The following SULF2 variants were observed in gnomAD, a reference collection of about 807,000 sequenced individuals.
The protein encoded by SULF2 is sulfatase 2.
In SULF2, 52 loss-of-function variants were observed where a neutral mutation model predicts 107.7. That is an observed-to-expected ratio of 0.48 (90% CI 0.39 to 0.61). The LOEUF (loss-of-function observed/expected upper bound fraction) is 0.61. Ranked by LOEUF, SULF2 falls within the 20% of genes least tolerant of loss-of-function variation. SULF2 has a pLI of 0.00. For missense variants in SULF2, 993 were observed against 1,177.3 expected, an observed-to-expected ratio of 0.84 and a Z score of 2.29; for synonymous variants, 460 against 464.3, an observed-to-expected ratio of 0.99 and a Z score of 0.12.
At chr20:47,714,658 C>T (rs1002023424) in intron 3 of SULF2, among the ~76,000 whole-genome samples, 1 of 152,212 alleles carries the variant, frequency 6.6e-6, no homozygotes, top group Admixed American at 6.5e-5. Flanking sequence ...AGTGGCTCCA[C>T]ATCCACCTCA....
chr20:47,769,197 C>T lies in SULF2; in HGVS notation c.-100-11734G>A, dbSNP rs1419875433. 5.3e-5 allele frequency among the ~76,000 whole-genome samples: 8 copies of T among 152,196 alleles called. No homozygotes were observed. In the South Asian group the frequency reaches 8.3e-4, roughly 16 times the overall value. ...CTGGAACTACAGGTGCCCACCACCACGCCCGCTAATTTTTTTGTATTTTTA... is the reference window on the plus strand; with the variant it reads ...CTGGAACTACAGGTGCCCACCACCATGCCCGCTAATTTTTTTGTATTTTTA... On this transcript the variant is annotated intron_variant, in intron 1 of 20. Transcript: ENST00000688720.
intron 3 of SULF2, among the ~76,000 whole-genome samples, chr20:47,707,381 C>T (rs948873840): frequency 6.6e-6 from 1 of 152,202 alleles, no homozygotes; most frequent in African/African-American, 2.4e-5. Flanking sequence ...ATCTCCCCTA[C>T]ACCAGACACT....
chr20:47,729,833 T>C (rs977416979), intron 3 of SULF2, among the ~76,000 whole-genome samples: 1 of 152,018 alleles, frequency 6.6e-6, no homozygotes, highest in Non-Finnish European at 1.5e-5. Flanking sequence ...AGAGGGGCAT[T>C]GGGCCACTTT....
chr20:47,700,923 G>A (rs576040461), intron 4 of SULF2, among the ~76,000 whole-genome samples: 1 of 152,310 alleles, frequency 6.6e-6, no homozygotes, highest in Admixed American at 6.5e-5. Context: ...TGGGATTACA[G>A]GTGTGAGCCA....
chr20:47,716,320 T>C (rs977852061), intron 3 of SULF2, among the ~76,000 whole-genome samples: 2 of 152,122 alleles, frequency 1.3e-5, no homozygotes, highest in Non-Finnish European at 2.9e-5. Flanking sequence ...GCCTGGCCAA[T>C]GTGGTGAAAC....
intron 3 of SULF2, among the ~76,000 whole-genome samples, chr20:47,727,729 G>T (rs974140988): frequency 6.6e-6 from 1 of 152,216 alleles, no homozygotes. Context: ...GGCACTGGGT[G>T]ACTAGTGCTT....
chr20:47,677,178 TC>T (rs781303017), intron 8 of SULF2, 44 bp from the exon 9 acceptor site: 2 of 1,608,874 alleles, frequency 1.2e-6, no homozygotes, highest in Middle Eastern at 1.7e-4. Context: ...CATGAGGGCT[TC>T]CCACGACCCC....
intron 11 of SULF2, among the ~76,000 whole-genome samples, chr20:47,667,142 A>C (rs1001090954): frequency 2.6e-5 from 4 of 152,220 alleles, no homozygotes; most frequent in African/African-American, 9.6e-5. Context: ...TCTGAACTTC[A>C]CCTCAATTAA....
chr20:47,739,493 C>T (rs919960051), intron 2 of SULF2, among the ~76,000 whole-genome samples: 1 of 152,230 alleles, frequency 6.6e-6, no homozygotes, highest in Non-Finnish European at 1.5e-5. Context: ...TGCTCTCACT[C>T]CTCCAATCAC....
chr20:47,747,684 G>GC (rs2090073958), intron 2 of SULF2, among the ~76,000 whole-genome samples: 1 of 152,138 alleles, frequency 6.6e-6, no homozygotes, highest in South Asian at 2.1e-4. Flanking sequence ...CCAGCCACAG[G>GC]CCTGGTGGGT....
chr20:47,720,720 G>C (rs552780531), intron 3 of SULF2, among the ~76,000 whole-genome samples: 11 of 152,250 alleles, frequency 7.2e-5, no homozygotes, highest in Admixed American at 7.2e-4. Context: ...TCACAAAATA[G>C]AAACTGAGCT....
chr20:47,779,041 C>T (rs2090774755), intron 1 of SULF2, among the ~76,000 whole-genome samples: 2 of 152,194 alleles, frequency 1.3e-5, no homozygotes, highest in Admixed American at 6.5e-5. Context: ...AACATTTCCA[C>T]GTCGGAATTC....
chr20:47,702,935 A>C (rs555256256), intron 3 of SULF2, among the ~76,000 whole-genome samples: 1 of 152,348 alleles, frequency 6.6e-6, no homozygotes, highest in East Asian at 1.9e-4. Context: ...TTTATTTTTG[A>C]GATGGAGTCT....
chr20:47,773,825 T>G (rs1455559429), intron 1 of SULF2, among the ~76,000 whole-genome samples: 1 of 152,198 alleles, frequency 6.6e-6, no homozygotes, highest in Non-Finnish European at 1.5e-5. Context: ...CCTCCTCCTT[T>G]TCAGCCCCAC....
At position 47,683,033 on chromosome 20, in the gene SULF2, G is replaced by A. The variant is rs1180810329; in HGVS notation, c.1025C>T (p.Pro342Leu). 6 of 1,613,006 alleles carry A rather than the reference G, an allele frequency of 3.7e-6. No individual in the cohort carries two copies. The highest frequency in any genetic ancestry group is 2.7e-5 in the African/African-American group (2 of 74,908). The change falls in exon 7 of 21, where the codon CCG becomes CTG. Residue 342 changes from proline to leucine, a missense_variant. Coordinates refer to ENST00000688720, the MANE Select transcript of SULF2 (RefSeq NM_001387048.1). ...CACGTTGGGGCCCCTCACGTAGAAC[G>A]GGACCCTGATGTCAAACTCATATGG... ...SMPYEFDIRV[P>L]FYVRGPNVEA...
At chr20:47,782,190 C>T (rs1402535765) in intron 1 of SULF2, among the ~76,000 whole-genome samples, 3 of 152,216 alleles carry the variant, frequency 2.0e-5, no homozygotes, top group Non-Finnish European at 4.4e-5. Context: ...TACGGATGGA[C>T]TGCTCTCCCT....
chr20:47,674,750 C>T lies in SULF2; in HGVS notation c.1380+1744G>A, dbSNP rs1194292659. 2.0e-5 allele frequency among the ~76,000 whole-genome samples: 3 copies of T among 152,130 alleles called. 1 individual carries two copies. The highest frequency in any genetic ancestry group is 4.1e-4 in the South Asian group (2 of 4,826). On this transcript the variant is annotated intron_variant, in intron 10 of 20. Coordinates refer to ENST00000688720, the MANE Select transcript of SULF2 (RefSeq NM_001387048.1). ...ACAATGCTATGGCTGGGTGTGAGGCCCCTAAGAGACGTCCTCGGGCCACAG... is the reference window on the plus strand; with the variant it reads ...ACAATGCTATGGCTGGGTGTGAGGCTCCTAAGAGACGTCCTCGGGCCACAG...
intron 14 of SULF2, among the ~76,000 whole-genome samples, chr20:47,664,774 A>G (rs1964355677): frequency 6.6e-6 from 1 of 152,242 alleles, no homozygotes; most frequent in Admixed American, 6.5e-5. Context: ...TGCACCAGCC[A>G]CGTGTGGTGT....
intron 2 of SULF2, among the ~76,000 whole-genome samples, chr20:47,756,605 C>T (rs1030230176): frequency 5.3e-5 from 8 of 151,884 alleles, no homozygotes; most frequent in African/African-American, 1.7e-4. Flanking sequence ...TTGCCACAAC[C>T]CACAAGAGCC....
Sources: gnomAD v4.1 joint callset for allele counts (sites outside exome capture counted in the v4.1 genomes callset) on GRCh38, gnomAD v4.1.1 for gene constraint, MANE v1.5 for transcripts, NCBI Gene and HGNC (gene_info 2026-07-23, HGNC 2026-07-21) for gene names.